FAM163A: variants seen among roughly 807,000 people sequenced by gnomAD.
FAM163A encodes family with sequence similarity 163 member A.
FAM163A carries 7 observed loss-of-function variants against 12.0 expected under a neutral mutation model. The ratio of observed to expected loss-of-function variants is 0.58; its 90% CI spans 0.33 to 1.10. FAM163A has a LOEUF of 1.10. Among genes scored for constraint, FAM163A ranks in the 50% least tolerant of loss-of-function variants. The pLI is 0.03. For missense variants in FAM163A, 202 were observed against 218.6 expected, an observed-to-expected ratio of 0.92 and a Z score of 0.48; for synonymous variants, 101 against 91.0, an observed-to-expected ratio of 1.11 and a Z score of -0.62.
intron 1 of FAM163A, among the ~76,000 whole-genome samples, chr1:179,779,901 T>C (rs910092537): frequency 1.3e-5 from 2 of 152,220 alleles, no homozygotes; most frequent in African/African-American, 2.4e-5. Flanking sequence ...ATGTGCTAAA[T>C]AGATTTGAAA....
intron 1 of FAM163A, among the ~76,000 whole-genome samples, chr1:179,794,233 C>T (rs143794606): frequency 6.6e-6 from 1 of 152,238 alleles, no homozygotes; most frequent in African/African-American, 2.4e-5. Context: ...GGGGAGAAGA[C>T]AACTGGTTCT....
At chr1:179,760,248 T>C (rs148037404) in intron 1 of FAM163A, among the ~76,000 whole-genome samples, 1 of 152,198 alleles carries the variant, frequency 6.6e-6, no homozygotes, top group Non-Finnish European at 1.5e-5. Context: ...TTGGAAGTAC[T>C]AGTTCTGGGA....
chr1:179,731,317 A>G, the FAM163A span, among the ~76,000 whole-genome samples: 1 of 152,236 alleles, frequency 6.6e-6, no homozygotes, highest in Admixed American at 6.5e-5. Context: ...GTGAGTTTGG[A>G]TGTGGAGTAG....
intron 1 of FAM163A, among the ~76,000 whole-genome samples, chr1:179,805,609 T>C (rs936767890): frequency 2.6e-5 from 4 of 151,810 alleles, no homozygotes; most frequent in African/African-American, 9.7e-5. Flanking sequence ...GACCGCATTG[T>C]TTTTCTCCTT....
chr1:179,741,025 A>T (rs944634404), upstream of FAM163A, among the ~76,000 whole-genome samples: 1 of 152,226 alleles, frequency 6.6e-6, no homozygotes, highest in Non-Finnish European at 1.5e-5. Context: ...TGAGTAGAAG[A>T]TACTTGCAGT....
intron 1 of FAM163A, among the ~76,000 whole-genome samples, chr1:179,790,710 GAC>G (rs1334366289): frequency 1.3e-5 from 2 of 152,158 alleles, no homozygotes; most frequent in African/African-American, 2.4e-5. Context: ...CAACTTTGAA[GAC>G]ACAGTTGAAG....
At chr1:179,783,144 A>AAT (rs1553222707) in intron 1 of FAM163A, among the ~76,000 whole-genome samples, 4 of 151,620 alleles carry the variant, frequency 2.6e-5, no homozygotes, top group African/African-American at 9.7e-5. Context: ...AAAAAAAAAA[A>AAT]GGAAAAAGCC....
chr1:179,769,344 G>A (rs1687948135), intron 1 of FAM163A, among the ~76,000 whole-genome samples: 3 of 151,706 alleles, frequency 2.0e-5, no homozygotes. Flanking sequence ...GTAGAGATGG[G>A]ATCTCACTAC....
intron 1 of FAM163A, among the ~76,000 whole-genome samples, chr1:179,767,045 C>T (rs750219021): frequency 1.4e-4 from 22 of 152,148 alleles, no homozygotes; most frequent in Non-Finnish European, 2.2e-4. Flanking sequence ...CATGAACCAC[C>T]GCCCCCGGCC....
At chr1:179,790,604 C>G (rs371128965) in intron 1 of FAM163A, among the ~76,000 whole-genome samples, 4 of 152,094 alleles carry the variant, frequency 2.6e-5, no homozygotes, top group African/African-American at 9.7e-5. Context: ...TCAAACTCAC[C>G]CTTCCACTGA....
intron 1 of FAM163A, among the ~76,000 whole-genome samples, chr1:179,752,867 C>T (rs920979744): frequency 2.0e-5 from 3 of 152,092 alleles, no homozygotes; most frequent in Admixed American, 6.5e-5. Context: ...ATGGTGCAGT[C>T]ACTGTGGAGA....
At position 179,757,889 on chromosome 1, in the gene FAM163A, T is replaced by C. The variant is rs148722048; in HGVS notation, c.-136+14466T>C. 6.6e-5 allele frequency among the ~76,000 whole-genome samples: 10 copies of C among 152,304 alleles called. No individual in the cohort carries two copies. In the East Asian group the frequency reaches 1.9e-3, roughly 29 times the overall value. ...GTGTGAAAAGAACAAAGGTTTAGAA[T>C]AGTCCCAAAGGGAAATGGAAGTATT... On this transcript the variant is annotated intron_variant, in intron 1 of 4. Coordinates refer to ENST00000341785, the MANE Select transcript of FAM163A (RefSeq NM_173509.3).
At chr1:179,786,505 C>A (rs1320649996) in intron 1 of FAM163A, among the ~76,000 whole-genome samples, 1 of 152,208 alleles carries the variant, frequency 6.6e-6, no homozygotes, top group East Asian at 1.9e-4. Flanking sequence ...CCCACCAAAG[C>A]CTCTGCCCAG....
intron 1 of FAM163A, among the ~76,000 whole-genome samples, chr1:179,794,734 G>A (rs193281386): frequency 1.1e-3 from 167 of 152,270 alleles, no homozygotes; most frequent in South Asian, 7.5e-3. Context: ...AAGAAGCTGG[G>A]TCCCTGCATC....
chr1:179,791,973 A>G (rs933790274), intron 1 of FAM163A, among the ~76,000 whole-genome samples: 5 of 152,142 alleles, frequency 3.3e-5, no homozygotes, highest in African/African-American at 1.2e-4. Flanking sequence ...ATTTAGTAGT[A>G]TTAAGTTGAA....
chr1:179,813,682 C>A, intron 4 of FAM163A, 97 bp from the exon 5 acceptor site: 1 of 1,409,424 alleles, frequency 7.1e-7, no homozygotes, highest in Non-Finnish European at 9.7e-7. Context: ...CTAGGTTCTC[C>A]ATGGAGCAGG....
chr1:179,774,322 G>A (rs938329951), intron 1 of FAM163A, among the ~76,000 whole-genome samples: 1 of 152,252 alleles, frequency 6.6e-6, no homozygotes, highest in Non-Finnish European at 1.5e-5. Context: ...CTGATGGAGT[G>A]TGAGAGGCTT....
chr1:179,751,049 T>A (rs536172469), intron 1 of FAM163A, among the ~76,000 whole-genome samples: 1 of 152,108 alleles, frequency 6.6e-6, no homozygotes, highest in South Asian at 2.1e-4. Flanking sequence ...GAACCAGGCT[T>A]TGGGGCAAAC....
At chr1:179,756,798 G>T (rs1420062944) in intron 1 of FAM163A, among the ~76,000 whole-genome samples, 1 of 152,182 alleles carries the variant, frequency 6.6e-6, no homozygotes, top group Non-Finnish European at 1.5e-5. Context: ...TGAACCAGGA[G>T]AAGTAGTGTC....
Sources: gnomAD v4.1 joint callset for allele counts (sites outside exome capture counted in the v4.1 genomes callset) on GRCh38, gnomAD v4.1.1 for gene constraint, MANE v1.5 for transcripts, NCBI Gene and HGNC (gene_info 2026-07-23, HGNC 2026-07-21) for gene names.